Variants in ZBTB4 observed in about 807,000 individuals in gnomAD.
ZBTB4 encodes the protein zinc finger and BTB domain containing 4, also known as zinc finger and BTB domain-containing protein 4.
Under a neutral mutation model 59.8 loss-of-function variants are expected in ZBTB4, and 14 were observed. The observed-to-expected ratio is 0.23, with a 90% confidence interval of 0.15 to 0.37. ZBTB4 has a LOEUF of 0.37. Ranked by LOEUF, ZBTB4 falls within the 10% of genes least tolerant of loss-of-function variation. ZBTB4 has a pLI of 1.00. For synonymous variants in ZBTB4, 587 were observed against 575.2 expected, an observed-to-expected ratio of 1.02 and a Z score of -0.29; for missense variants, 1,198 against 1,380.8, an observed-to-expected ratio of 0.87 and a Z score of 2.10.
rs747744082 is a variant in ZBTB4 at position 7,463,720 on chromosome 17, C to T, written c.1262G>A (p.Arg421Gln). The T allele has an allele frequency of 1.7e-5, 27 of 1,613,852 alleles. No homozygotes were observed. The highest frequency in any genetic ancestry group is 1.6e-4 in the Middle Eastern group (1 of 6,082). Residue 421 changes from arginine to glutamine, a missense_variant, in exon 4 of 4, where the codon CGG (arginine) becomes CAG (glutamine). Arg to Gln is a conservative substitution (Grantham distance 43). Coordinates refer to ENST00000380599, the MANE Select transcript of ZBTB4 (RefSeq NM_001128833.2). ...GGTCTTGTAGGGCCGCTTGGCTGCC[C>T]GCATGGGGAGCAGGCGGTAGAGCTT... is the stretch of plus-strand genomic sequence containing the variant. ...TLKLYRLLPM[R>Q]AAKRPYKTYS...
chr17:7,473,100 G>A (rs1465282705), intron 1 of ZBTB4, among the ~76,000 whole-genome samples: 13 of 128,232 alleles, frequency 1.0e-4, no homozygotes, highest in South Asian at 2.6e-4. Flanking sequence ...GACTATAGGC[G>A]CGCGCCACCA....
Position 7,463,305 on chromosome 17 carries a change from G to A in ZBTB4, c.1677C>T (p.Gly559=), listed in dbSNP as rs763477886. The A allele has an allele frequency of 1.9e-6, 3 of 1,609,576 alleles. No individual in the cohort carries two copies. The highest frequency in any genetic ancestry group is 2.5e-6 in the Non-Finnish European group (3 of 1,178,360). The stretch of plus-strand genomic sequence containing the variant: ...GAGTCCTTCCAGCCCGTGGATTCCG[G>A]CCCTTGGCCTCCTCCGTGGTGGTGG... ...AMATTTEEAK[G]RNPRAGRTLT... The change falls in exon 4 of 4, where the codon GGC becomes GGT. Residue 559 remains glycine (G), a synonymous_variant. Transcript: ENST00000380599.
intron 1 of ZBTB4, among the ~76,000 whole-genome samples, chr17:7,473,755 C>T (rs2070231577): frequency 6.6e-6 from 1 of 151,818 alleles, no homozygotes; most frequent in Non-Finnish European, 1.5e-5. Context: ...CACCATGTTC[C>T]CCAGGGCTGG....
upstream of ZBTB4, among the ~76,000 whole-genome samples, chr17:7,480,535 C>A (rs946741973): frequency 1.3e-5 from 2 of 151,834 alleles, no homozygotes; most frequent in Admixed American, 1.3e-4. Flanking sequence ...CTGGCTAACA[C>A]GGTGAAACCC....
At chr17:7,472,058 G>T (rs779400714) in intron 1 of ZBTB4, among the ~76,000 whole-genome samples, 1 of 152,136 alleles carries the variant, frequency 6.6e-6, no homozygotes, top group Non-Finnish European at 1.5e-5. Context: ...GCCTCATGCA[G>T]TGAACCCCAA....
At chr17:7,477,972 C>T (rs1451498483) in intron 1 of ZBTB4, among the ~76,000 whole-genome samples, 5 of 152,116 alleles carry the variant, frequency 3.3e-5, no homozygotes, top group African/African-American at 9.7e-5. Flanking sequence ...TGCCTCCCGC[C>T]GGCCTCCATG....
rs559350629 is a variant in ZBTB4, at chr17:7,478,967, G to A, written c.-81+489C>T. On this transcript the variant is annotated intron_variant, in intron 1 of 3. Transcript: ENST00000380599. The stretch of plus-strand genomic sequence containing the variant: ...CTGCCCCGACGGCGCGGCGGTTCCG[G>A]GGCCCCAGCTCGCCCTGCGCACCCC... 2.6e-5 allele frequency among the ~76,000 whole-genome samples: 4 copies of A among 152,140 alleles called. No individual in the cohort carries two copies. In the South Asian group the frequency reaches 6.2e-4, roughly 24 times the overall value.
At chr17:7,475,962 C>T (rs2070263715) in intron 1 of ZBTB4, among the ~76,000 whole-genome samples, 1 of 152,208 alleles carries the variant, frequency 6.6e-6, no homozygotes, top group Non-Finnish European at 1.5e-5. Flanking sequence ...GTGCTAAGTG[C>T]TAAATGTGTC....
rs1424031776 is a variant in ZBTB4 at position 7,463,347 on chromosome 17, A to G, written c.1635T>C (p.Ala545=). 10 of 1,607,298 alleles carry G rather than the reference A, an allele frequency of 6.2e-6. No individual in the cohort carries two copies. The highest frequency in any genetic ancestry group is 2.2e-5 in the East Asian group (1 of 44,718). The change falls in exon 4 of 4, where the codon GCT becomes GCC. Residue 545 remains alanine (A), a synonymous_variant. Coordinates refer to ENST00000380599, the MANE Select transcript of ZBTB4 (RefSeq NM_001128833.2). Reference sequence around the variant, plus strand: ...TGGTGGTGGCCATGGCTGGCCCTGCAGCGGTGGCTGGGCTGACTGCTGTGG... The same window carrying G: ...TGGTGGTGGCCATGGCTGGCCCTGCGGCGGTGGCTGGGCTGACTGCTGTGG... The part of the protein sequence containing the change: ...SPATAVSPAT[A]AGPAMATTTE...
At position 7,466,735 on chromosome 17, in the gene ZBTB4, G is replaced by GTTCA; in HGVS notation, c.63_66dup (p.Gln23Ter). 6.2e-7 allele frequency: 1 copy of GTTCA among 1,600,212 alleles called. No homozygotes were observed. The highest frequency in any genetic ancestry group is 8.5e-7 in the Non-Finnish European group (1 of 1,174,330). ...TCACAGAAGAGGCCACGGAGCCGCT[G>GTTCA]TTCATTGAGCTGGCGCAGGACGGCG... is the stretch of plus-strand genomic sequence containing the variant. On this transcript the variant is annotated stop_gained and frameshift_variant, in exon 3 of 4. Transcript: ENST00000380599. LOFTEE classifies it high-confidence loss of function. The surrounding 1 kb of genome is among the most constrained non-coding windows in gnomAD (Gnocchi z 9.1).
chr17:7,466,291 C>A lies in ZBTB4; in HGVS notation c.511G>T (p.Gly171Cys). 6.2e-7 allele frequency: 1 copy of A among 1,613,544 alleles called. No individual in the cohort carries two copies. Among genetic ancestry groups the A allele is most frequent in the Non-Finnish European group, 8.5e-7 (1 of 1,179,656 alleles). Residue 171 changes from glycine to cysteine, a missense_variant, in exon 3 of 4, where the codon GGC (glycine) becomes TGC (cysteine). This residue lies in a region of ZBTB4 where 31 missense variants were observed against 67.6 expected (regional missense o/e 0.46). Transcript: ENST00000380599. The surrounding 1 kb of genome is among the most constrained non-coding windows in gnomAD (Gnocchi z 9.1). ...CCCAGGCCCTGAAGGCGGGAGATGC[C>A]CAGACGGCGCCCCAAAGCTCCAATC... ...AEIGALGRRLGISRLQGLGEG... is the reference protein window; with the variant it reads ...AEIGALGRRLCISRLQGLGEG...
At chr17:7,477,984 G>T (rs979876190) in intron 1 of ZBTB4, among the ~76,000 whole-genome samples, 3 of 152,026 alleles carry the variant, frequency 2.0e-5, no homozygotes, top group African/African-American at 7.3e-5. Context: ...GCCTCCATGC[G>T]CTACCCTGCA....
Position 7,462,911 on chromosome 17 carries a change from G to A in ZBTB4, c.2071C>T (p.Arg691Ter). Residue 691 changes from arginine to a stop codon, truncating the protein, a stop_gained, in exon 4 of 4, where the codon CGA (arginine) becomes TGA (stop). Coordinates refer to ENST00000380599, the MANE Select transcript of ZBTB4 (RefSeq NM_001128833.2). LOFTEE classifies it high-confidence loss of function. The surrounding 1 kb of genome is among the most constrained non-coding windows in gnomAD (Gnocchi z 7.5). ...CTCCAACGTGGTGGCCGGCGGCCTC[G>A]GGGCAGCCCACTGCCCCCCACACTG... ...GASVGGSGLP[R>*]GRRPPRWRQK... 6.2e-7 allele frequency: 1 copy of A among 1,608,956 alleles called. No individual in the cohort carries two copies. Among genetic ancestry groups the A allele is most frequent in the Non-Finnish European group, 8.5e-7 (1 of 1,179,616 alleles).
Position 7,463,507 on chromosome 17 carries a change from C to G in ZBTB4, c.1475G>C (p.Gly492Ala). 3.8e-6 allele frequency: 6 copies of G among 1,559,250 alleles called. No individual in the cohort carries two copies. The highest frequency in any genetic ancestry group is 1.9e-5 in the Admixed American group (1 of 51,762). Residue 492 changes from glycine (G) to alanine (A), a missense_variant, in exon 4 of 4, where the codon GGG (glycine) becomes GCG (alanine). Gly to Ala is a moderately conservative substitution (Grantham distance 60). Transcript: ENST00000380599. ...TCCTGTGCTGGCCGTCCCACTCCCC[C>G]CTCCACCACTGCTACTGCCCCCATG... Reference protein sequence around the residue: ...IVHGGSSSGGGGSGTASTGGS... With the variant: ...IVHGGSSSGGAGSGTASTGGS...
At chr17:7,483,064 C>G, upstream of ZBTB4, 4 of 1,607,074 alleles carry the variant, frequency 2.5e-6, no homozygotes, top group South Asian at 2.2e-5. Flanking sequence ...AGACTGAAGA[C>G]AAACATGGGA....
chr17:7,476,231 C>T (rs1218873894), intron 1 of ZBTB4, among the ~76,000 whole-genome samples: 1 of 152,224 alleles, frequency 6.6e-6, no homozygotes, highest in Non-Finnish European at 1.5e-5. Flanking sequence ...GGCTCAAAAC[C>T]TCCACTGGTC....
rs1190351599 is a variant in ZBTB4 at position 7,473,101 on chromosome 17, C to T, written c.-80-5774G>A. On this transcript the variant is annotated intron_variant, in intron 1 of 3. Transcript: ENST00000380599. ...TCACGAGTCACTGGGACTATAGGCGCGCGCCACCATTTTTTTTTTTTTTTT... is the reference window on the plus strand; with the variant it reads ...TCACGAGTCACTGGGACTATAGGCGTGCGCCACCATTTTTTTTTTTTTTTT... Among the ~76,000 whole-genome samples the T allele has an allele frequency of 6.6e-5, 9 of 136,868 alleles. 1 individual carries two copies. The highest frequency in any genetic ancestry group is 2.5e-4 in the South Asian group (1 of 4,048). 89.8% of individuals were successfully genotyped at this position (136,868 alleles called of 152,430 possible). A position where few individuals can be genotyped will look rare whatever the true frequency, so the allele number is the denominator to read the frequency against.
intron 1 of ZBTB4, among the ~76,000 whole-genome samples, chr17:7,477,861 G>T (rs929301114): frequency 6.6e-6 from 1 of 152,194 alleles, no homozygotes; most frequent in Non-Finnish European, 1.5e-5. Context: ...CCTTGTGGCC[G>T]CCCAGCCTCT....
upstream of ZBTB4, chr17:7,481,351 G>T: frequency 8.7e-7 from 1 of 1,144,506 alleles, no homozygotes; most frequent in Non-Finnish European, 1.1e-6. Context: ...AAGAAAGAAA[G>T]AAAGAAAAGA....
Sources: allele counts gnomAD v4.1 joint callset (sites outside exome capture counted in the v4.1 genomes callset), GRCh38; gene constraint gnomAD v4.1.1; regional missense constraint gnomAD v4.1.1; non-coding constraint Gnocchi (gnomAD v3.1); transcripts MANE v1.5; gene names NCBI Gene and HGNC (gene_info 2026-07-23, HGNC 2026-07-21).